The following ALKAL2 variants were observed in gnomAD, a reference collection of about 807,000 sequenced individuals.
The protein encoded by ALKAL2 is ALK and LTK ligand 2, also known as AUG-alpha.
A neutral mutation model predicts 18.5 loss-of-function variants in ALKAL2; 8 were observed. The observed-to-expected ratio is 0.43, with a 90% CI of 0.25 to 0.78. ALKAL2 has a LOEUF of 0.78. ALKAL2 is among the 30% of genes least tolerant of loss of function. ALKAL2 has a pLI of 0.22. For synonymous variants in ALKAL2, 135 were observed against 95.8 expected (o/e 1.41, Z -2.39); for missense variants, 241 against 211.2 (o/e 1.14, Z -0.88).
intron 5 of ALKAL2, 88 bp from the exon 6 acceptor site, chr2:280,240 A>G: frequency 6.9e-7 from 1 of 1,439,848 alleles, no homozygotes; most frequent in Non-Finnish European, 9.8e-7. Context: ...TAGGGGACAC[A>G]ACATGTTTAT....
At chr2:286,076 G>A in intron 4 of ALKAL2, 47 bp downstream of exon 4, 2 of 1,525,064 alleles carry the variant, frequency 1.3e-6, no homozygotes, top group South Asian at 2.3e-5. Context: ...GGGAACCGCT[G>A]CCTGCACTGC....
chr2:282,313 T>TC (rs773769982), intron 5 of ALKAL2, among the ~76,000 whole-genome samples: 7 of 152,190 alleles, frequency 4.6e-5, no homozygotes, highest in Non-Finnish European at 5.9e-5. Context: ...ATAAAAATAC[T>TC]CCCTTTTCAT....
At chr2:286,378 A>G in intron 2 of ALKAL2, 35 bp from the exon 3 acceptor site, 1 of 1,510,070 alleles carries the variant, frequency 6.6e-7, no homozygotes, top group Non-Finnish European at 9.1e-7. Flanking sequence ...ATATTACCTG[A>G]AGGACGCATT....
At chr2:280,215 A>G in intron 5 of ALKAL2, 63 bp from the exon 6 acceptor site, 2 of 1,590,018 alleles carry the variant, frequency 1.3e-6, no homozygotes, top group Non-Finnish European at 1.7e-6. Context: ...ATTCCAGAAG[A>G]CCTGTCACTT....
intron 2 of ALKAL2, chr2:286,793 A>C (rs1670524350): frequency 6.4e-6 from 1 of 155,274 alleles, no homozygotes; most frequent in Non-Finnish European, 1.4e-5. Context: ...ACATTACTTT[A>C]TCTAGATACA....
intron 4 of ALKAL2, chr2:283,680 C>T: frequency 6.1e-6 from 4 of 658,718 alleles, no homozygotes; most frequent in Non-Finnish European, 7.5e-6. Flanking sequence ...TTTCTAAGCG[C>T]TGGCTGATAC....
intron 4 of ALKAL2, among the ~76,000 whole-genome samples, chr2:284,817 G>A (rs1670454499): frequency 6.6e-6 from 1 of 152,118 alleles, no homozygotes; most frequent in Non-Finnish European, 1.5e-5. Flanking sequence ...TCCTATTACT[G>A]TAAGGAAATA....
rs1210017095 is a variant in ALKAL2, at chr2:288,091, C to A, written c.-136G>T. 1 of 1,183,610 alleles carries A rather than the reference C, an allele frequency of 8.4e-7. No individual in the cohort carries two copies. Among genetic ancestry groups the A allele is most frequent in the Non-Finnish European group, 1.0e-6 (1 of 957,526 alleles). The allele number at this position is 1,183,610 out of a possible 1,614,324, so 73.3% of individuals were successfully genotyped here. On this transcript the variant is annotated 5_prime_UTR_variant, in exon 1 of 6. Transcript: ENST00000403610. ...ACGATCACGCCCGAGGTCCCGCCCACGGGGAGCGACCGCCGCTGGTGCGGA... is the reference window on the plus strand; with the variant it reads ...ACGATCACGCCCGAGGTCCCGCCCAAGGGGAGCGACCGCCGCTGGTGCGGA...
intron 5 of ALKAL2, 39 bp downstream of exon 5, chr2:283,072 C>G (rs1412459979): frequency 6.3e-7 from 1 of 1,575,254 alleles, no homozygotes; most frequent in Non-Finnish European, 8.6e-7. Flanking sequence ...GGATTCCCAT[C>G]TTTGGTATGT....
At chr2:284,854 AACAAT>A (rs1670455561) in intron 4 of ALKAL2, among the ~76,000 whole-genome samples, 1 of 152,222 alleles carries the variant, frequency 6.6e-6, no homozygotes, top group African/African-American at 2.4e-5. Context: ...TGTACATCAA[AACAAT>A]ACAAACGACA....
At position 287,602 on chromosome 2, in the gene ALKAL2, A is replaced by C. The variant is rs1448498389; in HGVS notation, c.234T>G (p.Pro78=). The part of the protein sequence containing the change: ...LGRAEAAGLG[P]SPEQRVEIVP... Reference sequence around the variant, plus strand: ...ACTCACCCACTCGCTGCTCCGGCGAAGGCCCCAGCCCCGCCGCCTCCGCGC... The same window carrying C: ...ACTCACCCACTCGCTGCTCCGGCGACGGCCCCAGCCCCGCCGCCTCCGCGC... The change falls in exon 2 of 6, where the codon CCT becomes CCG. Residue 78 remains proline (P), a synonymous_variant. Coordinates refer to ENST00000403610, the MANE Select transcript of ALKAL2 (RefSeq NM_001002919.3). 2 of 1,467,284 alleles carry C rather than the reference A, an allele frequency of 1.4e-6. No homozygotes were observed. Among genetic ancestry groups the C allele is most frequent in the African/African-American group, 2.9e-5 (2 of 67,846 alleles). 90.9% of individuals were successfully genotyped at this position (1,467,284 alleles called of 1,614,324 possible).
At position 287,602 on chromosome 2, in the gene ALKAL2, A is replaced by AGGCCCC. The variant is rs1487537930; in HGVS notation, c.228_233dup (p.Gly77_Pro78dup). Reference sequence around the variant, plus strand: ...ACTCACCCACTCGCTGCTCCGGCGAAGGCCCCAGCCCCGCCGCCTCCGCGC... The same window carrying AGGCCCC: ...ACTCACCCACTCGCTGCTCCGGCGAAGGCCCCGGCCCCAGCCCCGCCGCCTCCGCGC... On this transcript the variant is annotated inframe_insertion, in exon 2 of 6. Transcript: ENST00000403610. 6 of 1,467,284 alleles carry AGGCCCC rather than the reference A, an allele frequency of 4.1e-6. No individual in the cohort carries two copies. The Admixed American group carries it at 1.5e-4, about 36-fold the overall frequency. 90.9% of individuals were successfully genotyped at this position (1,467,284 alleles called of 1,614,324 possible).
In ALKAL2 at chr2:284,131, T is replaced by C. The variant is rs563691889; in HGVS notation, c.389-956A>G. On this transcript the variant is annotated intron_variant, in intron 4 of 5. Coordinates refer to ENST00000403610, the MANE Select transcript of ALKAL2 (RefSeq NM_001002919.3). ...TAGAATGTAGTTTTCCTAAACAGAT[T>C]CCACATCATGGAGGCAGTGGAATGT... is the stretch of plus-strand genomic sequence containing the variant. Among the ~76,000 whole-genome samples, 230 of 152,306 alleles carry C rather than the reference T, an allele frequency of 1.5e-3. 1 individual carries two copies. Among genetic ancestry groups the C allele is most frequent in the African/African-American group, 5.0e-3 (206 of 41,564 alleles).
At chr2:284,068 C>T (rs1422443316) in intron 4 of ALKAL2, among the ~76,000 whole-genome samples, 4 of 152,264 alleles carry the variant, frequency 2.6e-5, no homozygotes, top group East Asian at 1.9e-4. Context: ...GTCATCTGAC[C>T]GCCTGGCTTT....
chr2:283,108 T>TA lies in ALKAL2; in HGVS notation c.453+2dup, dbSNP rs776791777. 6.2e-7 allele frequency: 1 copy of TA among 1,611,478 alleles called. No homozygotes were observed. ...GCTCCAGTGTGTGTCTGTCCAAGCT[T>TA]ACCTTATCCTCCATGCACACTGGAC... is the stretch of plus-strand genomic sequence containing the variant. On this transcript the variant is annotated splice_region_variant and intron_variant, in intron 5 of 5. Coordinates refer to ENST00000403610, the MANE Select transcript of ALKAL2 (RefSeq NM_001002919.3).
chr2:283,169 TTA>T lies in ALKAL2; in HGVS notation c.393_394del (p.Tyr131Ter). On this transcript the variant is annotated stop_gained and frameshift_variant, in exon 5 of 6. Coordinates refer to ENST00000403610, the MANE Select transcript of ALKAL2 (RefSeq NM_001002919.3). LOFTEE classifies it high-confidence loss of function. ...CCGGGTAAGAAGCCTGGCGCATCTT[TTA>T]TAGTCTACGGTGAAAATATATCAGA... 6.2e-7 allele frequency: 1 copy of T among 1,613,018 alleles called. No homozygotes were observed. The highest frequency in any genetic ancestry group is 8.5e-7 in the Non-Finnish European group (1 of 1,179,556).
At chr2:286,376 T>C (rs1212524069) in intron 2 of ALKAL2, 33 bp from the exon 3 acceptor site, 13 of 1,513,948 alleles carry the variant, frequency 8.6e-6, no homozygotes, top group Non-Finnish European at 1.0e-5. Context: ...TTATATTACC[T>C]GAAGGACGCA....
chr2:283,145 C>A lies in ALKAL2; in HGVS notation c.419G>T (p.Arg140Leu), dbSNP rs752355074. 1 of 1,613,222 alleles carries A rather than the reference C, an allele frequency of 6.2e-7. No homozygotes were observed. Among genetic ancestry groups the A allele is most frequent in the Non-Finnish European group, 8.5e-7 (1 of 1,179,628 alleles). Residue 140 changes from arginine (R) to leucine (L), a missense_variant, in exon 5 of 6, where the codon CGG (arginine) becomes CTG (leucine). Coordinates refer to ENST00000403610, the MANE Select transcript of ALKAL2 (RefSeq NM_001002919.3). ...CATGCACACTGGACTGACAGCCAGC[C>A]GGGTAAGAAGCCTGGCGCATCTTTT... ...YYKRCARLLT[R>L]LAVSPVCMED... is the part of the protein sequence containing the mutation.
In ALKAL2 at chr2:287,628, G is replaced by C; in HGVS notation, c.208C>G (p.Arg70Gly). 1 of 1,477,274 alleles carries C rather than the reference G, an allele frequency of 6.8e-7. No homozygotes were observed. The highest frequency in any genetic ancestry group is 8.9e-7 in the Non-Finnish European group (1 of 1,119,900). 91.5% of individuals were successfully genotyped at this position (1,477,274 alleles called of 1,614,324 possible). ...GGCCCCAGCCCCGCCGCCTCCGCGC[G>C]GCCCAGGGCGCAGTCCCGCCCGAGG... is the stretch of plus-strand genomic sequence containing the variant. Reference protein sequence around the residue: ...QLLGRDCALGRAEAAGLGPSP... With the variant: ...QLLGRDCALGGAEAAGLGPSP... The change falls in exon 2 of 6, where the codon CGC (arginine) becomes GGC (glycine). Residue 70 changes from arginine (R) to glycine (G), a missense_variant. By Grantham distance (125) the Arg-to-Gly change is moderately radical. Transcript: ENST00000403610.
Sources: gnomAD v4.1 joint callset for allele counts (sites outside exome capture counted in the v4.1 genomes callset) on GRCh38, gnomAD v4.1.1 for gene constraint, MANE v1.5 for transcripts, NCBI Gene and HGNC (gene_info 2026-07-23, HGNC 2026-07-21) for gene names.